The following FRMPD1 variants were observed in gnomAD, a reference collection of about 807,000 sequenced individuals.
FRMPD1 encodes the protein FERM and PDZ domain-containing protein 1.
A neutral mutation model predicts 117.8 loss-of-function variants in FRMPD1; 76 were observed. The ratio of observed to expected loss-of-function variants is 0.65; its 90% CI spans 0.54 to 0.78. The LOEUF (loss-of-function observed/expected upper bound fraction) is 0.78, where lower values mean the gene tolerates loss of function less well. Among genes scored for constraint, FRMPD1 ranks in the 30% least tolerant of loss-of-function variants. FRMPD1 has a pLI of 0.00. For missense variants in FRMPD1, 1,786 were observed against 1,964.5 expected (o/e 0.91, Z 1.72); for synonymous variants, 783 against 770.4 (o/e 1.02, Z -0.27).
intron 1 of FRMPD1, among the ~76,000 whole-genome samples, chr9:37,673,452 C>T (rs562073600): frequency 1.3e-4 from 20 of 152,314 alleles, no homozygotes; most frequent in Admixed American, 4.6e-4. Context: ...TGAGTGTCTG[C>T]GGCTTTTCTA....
intron 1 of FRMPD1, among the ~76,000 whole-genome samples, chr9:37,657,323 T>G (rs1820872924): frequency 6.6e-6 from 1 of 152,272 alleles, no homozygotes; most frequent in African/African-American, 2.4e-5. Context: ...TCTGAGTTAC[T>G]GCTTTGTTGT....
intron 12 of FRMPD1, 87 bp from the exon 13 acceptor site, chr9:37,735,465 T>C (rs1338906741): frequency 3.1e-6 from 3 of 974,066 alleles, no homozygotes; most frequent in Non-Finnish European, 4.8e-6. Context: ...ATCAAGGAGT[T>C]TGCAGCGAGA....
chr9:37,666,629 A>C (rs1821168506), intron 1 of FRMPD1, among the ~76,000 whole-genome samples: 1 of 151,938 alleles, frequency 6.6e-6, no homozygotes, highest in Admixed American at 6.6e-5. Context: ...ACTCTACTTT[A>C]TCCACAGCTG....
intron 10 of FRMPD1, 124 bp downstream of exon 10, chr9:37,732,564 A>C: frequency 1.1e-6 from 1 of 947,124 alleles, no homozygotes; most frequent in Non-Finnish European, 1.5e-6. Context: ...CTTTCCATCC[A>C]TTTCCCTCTG....
intron 1 of FRMPD1, among the ~76,000 whole-genome samples, chr9:37,679,118 G>A (rs151043180): frequency 6.6e-6 from 1 of 152,324 alleles, no homozygotes; most frequent in African/African-American, 2.4e-5. Context: ...CAGACACTGT[G>A]GTTGCATCTT....
chr9:37,729,721 C>T lies in FRMPD1; in HGVS notation c.613-7C>T. On this transcript the variant is annotated splice_polypyrimidine_tract_variant and splice_region_variant and intron_variant, in intron 7 of 15. Coordinates refer to ENST00000377765, the MANE Select transcript of FRMPD1 (RefSeq NM_014907.3). ...GCGTAACTCCTGCACCTCTCTGTGCCTGCTAGGACATCATCCTCACCGTGA... is the reference window on the plus strand; with the variant it reads ...GCGTAACTCCTGCACCTCTCTGTGCTTGCTAGGACATCATCCTCACCGTGA... 6.2e-7 allele frequency: 1 copy of T among 1,613,548 alleles called. No homozygotes were observed.
chr9:37,643,179 C>A, the FRMPD1 span, among the ~76,000 whole-genome samples: 1 of 152,198 alleles, frequency 6.6e-6, no homozygotes, highest in Non-Finnish European at 1.5e-5. Flanking sequence ...TACCTGATAA[C>A]TCAAGTCCAT....
chr9:37,723,425 C>T (rs755272187), intron 6 of FRMPD1, among the ~76,000 whole-genome samples: 2 of 152,168 alleles, frequency 1.3e-5, no homozygotes, highest in Non-Finnish European at 2.9e-5. Context: ...ACAAAGCATG[C>T]CTGTGCATTG....
intron 1 of FRMPD1, among the ~76,000 whole-genome samples, chr9:37,659,733 A>G (rs943334691): frequency 3.9e-5 from 6 of 152,102 alleles, no homozygotes; most frequent in African/African-American, 1.4e-4. Flanking sequence ...CAACCCTGTA[A>G]GGGCATAGTA....
the FRMPD1 span, among the ~76,000 whole-genome samples, chr9:37,630,987 T>C: frequency 1.4e-4 from 21 of 152,190 alleles, no homozygotes; most frequent in African/African-American, 4.8e-4. Flanking sequence ...GTGACACAAA[T>C]GTCAACAATT....
At chr9:37,665,490 G>GTCCATT (rs1821134015) in intron 1 of FRMPD1, among the ~76,000 whole-genome samples, 1 of 152,190 alleles carries the variant, frequency 6.6e-6, no homozygotes, top group African/African-American at 2.4e-5. Flanking sequence ...GTCCATTTGT[G>GTCCATT]TGAGTATATT....
chr9:37,612,492 G>T, the FRMPD1 span, among the ~76,000 whole-genome samples: 1 of 148,196 alleles, frequency 6.7e-6, no homozygotes, highest in East Asian at 2.0e-4. Flanking sequence ...GGGATTACAG[G>T]CATGCACCAC....
intron 14 of FRMPD1, among the ~76,000 whole-genome samples, chr9:37,738,411 C>G (rs573618079): frequency 6.6e-6 from 1 of 152,266 alleles, no homozygotes; most frequent in African/African-American, 2.4e-5. Context: ...GCAATCTTGG[C>G]TCACTGCAGC....
intron 1 of FRMPD1, among the ~76,000 whole-genome samples, chr9:37,663,260 T>C (rs1255024319): frequency 6.6e-6 from 1 of 152,168 alleles, no homozygotes; most frequent in African/African-American, 2.4e-5. Context: ...CCAGGATTTC[T>C]GCCCCAGGCT....
rs942473521 is a variant in FRMPD1, at chr9:37,689,934, A to C, written c.-4-2704A>C. 3.3e-5 allele frequency among the ~76,000 whole-genome samples: 5 copies of C among 152,044 alleles called. 1 individual carries two copies. Among genetic ancestry groups the C allele is most frequent in the Admixed American group, 3.3e-4 (5 of 15,270 alleles). On this transcript the variant is annotated intron_variant, in intron 1 of 15. Transcript: ENST00000377765. ...TTTTTTTTCCTCTCTGGAAGTTTAG[A>C]AGATATTTTCTGTTTCTAGTTTCTG...
chr9:37,738,501 G>A (rs1466854534), intron 14 of FRMPD1, among the ~76,000 whole-genome samples: 3 of 152,016 alleles, frequency 2.0e-5, no homozygotes, highest in East Asian at 1.9e-4. Flanking sequence ...CACCACGCCC[G>A]GCTAATTTTT....
chr9:37,662,453 G>C (rs1821029221), intron 1 of FRMPD1, among the ~76,000 whole-genome samples: 1 of 152,146 alleles, frequency 6.6e-6, no homozygotes, highest in South Asian at 2.1e-4. Context: ...ACAGTCCTTG[G>C]CCTTACAGAG....
chr9:37,744,061 T>C (rs952237705), intron 15 of FRMPD1, among the ~76,000 whole-genome samples: 4 of 151,958 alleles, frequency 2.6e-5, no homozygotes, highest in Non-Finnish European at 5.9e-5. Flanking sequence ...TGGTGGCAGA[T>C]GCCTGTAATC....
Position 37,740,485 on chromosome 9 carries a change from A to G in FRMPD1, c.1957A>G (p.Ser653Gly). 2 of 1,614,098 alleles carry G rather than the reference A, an allele frequency of 1.2e-6. No homozygotes were observed. The highest frequency in any genetic ancestry group is 1.1e-5 in the South Asian group (1 of 91,082). Residue 653 changes from serine to glycine, a missense_variant, in exon 15 of 16, where the codon AGT becomes GGT. Coordinates refer to ENST00000377765, the MANE Select transcript of FRMPD1 (RefSeq NM_014907.3). The surrounding 1 kb of genome is among the most constrained non-coding windows in gnomAD (Gnocchi z 4.2). ...SQEERSGIET[S>G]GFLCLLDLAQ... is the part of the protein sequence containing the mutation. ...GGAGGAGAGAAGCGGGATTGAAACC[A>G]GTGGCTTCCTCTGTCTCCTGGACCT... is the stretch of plus-strand genomic sequence containing the variant.
Sources: gnomAD v4.1 joint callset for allele counts (sites outside exome capture counted in the v4.1 genomes callset) on GRCh38, gnomAD v4.1.1 for gene constraint, Gnocchi (gnomAD v3.1) non-coding constraint, MANE v1.5 for transcripts, NCBI Gene and HGNC (gene_info 2026-07-23, HGNC 2026-07-21) for gene names.